Variants in ITGA11 observed in about 807,000 individuals in gnomAD.
ITGA11 encodes the protein integrin alpha-11.
ITGA11 carries 97 observed loss-of-function variants against 141.9 expected under a neutral mutation model. That is an observed-to-expected ratio of 0.68 (90% confidence interval 0.58 to 0.81). The LOEUF is 0.81. Ranked by LOEUF, ITGA11 falls within the 30% of genes least tolerant of loss-of-function variation. ITGA11 has a pLI of 0.00. For missense variants in ITGA11, 1,387 were observed against 1,559.2 expected (o/e 0.89, Z 1.86); for synonymous variants, 658 against 624.6 (o/e 1.05, Z -0.80).
rs1893962887 is a variant in ITGA11 at position 68,326,045 on chromosome 15, G to A, written c.2211+609C>T. On this transcript the variant is annotated intron_variant, in intron 17 of 29. Coordinates refer to ENST00000315757, the MANE Select transcript of ITGA11 (RefSeq NM_001004439.2). This position sits in a 1 kb window ranked among gnomAD's most constrained non-coding sequence, Gnocchi z 6.8. ...TCTCAGGGGGCCCCTTAACAGGGATGCACCTTCTCAGACCTGCTCACATCT... is the reference window on the plus strand; with the variant it reads ...TCTCAGGGGGCCCCTTAACAGGGATACACCTTCTCAGACCTGCTCACATCT... Among the ~76,000 whole-genome samples the A allele has an allele frequency of 6.6e-6, 1 of 152,230 alleles. No homozygotes were observed.
At chr15:68,376,901 T>C (rs1460645) in intron 2 of ITGA11, among the ~76,000 whole-genome samples, 121,331 of 152,180 alleles carry the variant, frequency 0.8, 48,664 homozygotes, top group East Asian at 0.9. Context: ...GTGTGGGACA[T>C]GACCCAGGAA....
In ITGA11 at chr15:68,314,075, T is replaced by G. The variant is rs143496223; in HGVS notation, c.2793-207A>C. On this transcript the variant is annotated intron_variant, in intron 22 of 29. Coordinates refer to ENST00000315757, the MANE Select transcript of ITGA11 (RefSeq NM_001004439.2). Reference sequence around the variant, plus strand: ...TGACACTAGCTCTACCTGCTGCCCCTTTAGGTGGAGTCAGGGGAGGGCTCT... The same window carrying G: ...TGACACTAGCTCTACCTGCTGCCCCGTTAGGTGGAGTCAGGGGAGGGCTCT... 4.1e-3 allele frequency among the ~76,000 whole-genome samples: 629 copies of G among 152,314 alleles called. 6 individuals are homozygous for G. The highest frequency in any genetic ancestry group is 0.015 in the African/African-American group (613 of 41,582).
intron 11 of ITGA11, among the ~76,000 whole-genome samples, chr15:68,339,012 C>G (rs956265111): frequency 2.6e-5 from 4 of 152,206 alleles, no homozygotes; most frequent in African/African-American, 9.7e-5. Context: ...GGACCTTCAC[C>G]ATCAATGATT....
intron 11 of ITGA11, among the ~76,000 whole-genome samples, chr15:68,338,709 C>T (rs905520279): frequency 3.9e-5 from 6 of 152,202 alleles, no homozygotes; most frequent in African/African-American, 7.2e-5. Context: ...GAAAGATGGA[C>T]GCATGGACAG....
rs1399682488 is a variant in ITGA11, at chr15:68,326,857, T to C, written c.2069-61A>G. 6.6e-7 allele frequency: 1 copy of C among 1,507,208 alleles called. No homozygotes were observed. The highest frequency in any genetic ancestry group is 2.5e-5 in the East Asian group (1 of 40,316). 93.4% of individuals were successfully genotyped at this position (1,507,208 alleles called of 1,614,324 possible). On this transcript the variant is annotated intron_variant, in intron 16 of 29. Transcript: ENST00000315757. This position sits in a 1 kb window ranked among gnomAD's most constrained non-coding sequence, Gnocchi z 6.8. ...AGCCACATGCCCATCCAAGACTGTC[T>C]GCCTCCTCCAGGAAGCCCCCCAGGC...
rs1378847904 is a variant in ITGA11 at position 68,303,046 on chromosome 15, C to G, written c.*13G>C. 1.9e-6 allele frequency: 3 copies of G among 1,546,350 alleles called. No individual in the cohort carries two copies. The highest frequency in any genetic ancestry group is 2.6e-6 in the Non-Finnish European group (3 of 1,144,824). ...GTCCTGGCCCCCATCAACTCAAAGT[C>G]TCCTCTGGAGCCTCACTCCAGCACT... On this transcript the variant is annotated 3_prime_UTR_variant, in exon 30 of 30. Coordinates refer to ENST00000315757, the MANE Select transcript of ITGA11 (RefSeq NM_001004439.2). The surrounding 1 kb of genome is among the most constrained non-coding windows in gnomAD (Gnocchi z 5.3).
intron 2 of ITGA11, among the ~76,000 whole-genome samples, chr15:68,397,464 A>T (rs1481142069): frequency 1.0e-5 from 1 of 97,696 alleles, no homozygotes; most frequent in African/African-American, 4.4e-5. Context: ...AAAATTATTA[A>T]TATTTTAAAA....
chr15:68,323,458 A>G (rs1319451784), intron 18 of ITGA11, among the ~76,000 whole-genome samples: 6 of 152,198 alleles, frequency 3.9e-5, no homozygotes, highest in Admixed American at 2.6e-4. Context: ...ATAATATGGG[A>G]TGGCTCACTT....
chr15:68,311,373 C>A lies in ITGA11; in HGVS notation c.3004G>T (p.Gly1002Trp), dbSNP rs372797650. The A allele has an allele frequency of 1.9e-6, 3 of 1,570,162 alleles. No homozygotes were observed. The highest frequency in any genetic ancestry group is 2.7e-5 in the African/African-American group (2 of 74,012). ...GGAATGGTGATCTTCATCATCATCC[C>A]GTGGATGGGGAACAAGCCCAAGTTC... ...IQNLGLFPIHGMMMKITIPIA... is the reference protein window; with the variant it reads ...IQNLGLFPIHWMMMKITIPIA... Residue 1002 changes from glycine (G) to tryptophan (W), a missense_variant, in exon 25 of 30, where the codon GGG (glycine) becomes TGG (tryptophan). Transcript: ENST00000315757.
intron 2 of ITGA11, among the ~76,000 whole-genome samples, chr15:68,398,897 T>C (rs4605110): frequency 0.31 from 46,681 of 150,344 alleles, 7,407 homozygotes; most frequent in East Asian, 0.33. Flanking sequence ...CAAAGCATTA[T>C]TGAGAGAAAT....
At chr15:68,400,613 ATATATAT>A (rs1271223051) in intron 2 of ITGA11, among the ~76,000 whole-genome samples, 2 of 95,656 alleles carry the variant, frequency 2.1e-5, no homozygotes, top group African/African-American at 8.5e-5. Flanking sequence ...ATAATATATA[ATATATAT>A]TATATAATAA....
intron 2 of ITGA11, among the ~76,000 whole-genome samples, chr15:68,402,256 C>T (rs928122017): frequency 6.6e-6 from 1 of 151,870 alleles, no homozygotes. Context: ...GATGACTAAC[C>T]GTAAATGTGG....
intron 1 of ITGA11, among the ~76,000 whole-genome samples, chr15:68,423,566 C>T (rs1403474354): frequency 6.6e-6 from 1 of 152,184 alleles, no homozygotes; most frequent in African/African-American, 2.4e-5. Context: ...CTGGCCATTC[C>T]TACCTGGTCT....
intron 1 of ITGA11, among the ~76,000 whole-genome samples, chr15:68,405,041 C>T (rs950801496): frequency 1.3e-5 from 2 of 152,132 alleles, no homozygotes; most frequent in Admixed American, 6.5e-5. Flanking sequence ...CACACGAGTG[C>T]GCCACTCTCC....
intron 2 of ITGA11, among the ~76,000 whole-genome samples, chr15:68,379,549 G>A (rs928967672): frequency 6.6e-6 from 1 of 152,194 alleles, no homozygotes; most frequent in African/African-American, 2.4e-5. Flanking sequence ...GCTTCTTGGG[G>A]TGTAACTGGC....
chr15:68,321,133 A>G lies in ITGA11; in HGVS notation c.2408+285T>C, dbSNP rs948984329. ...AGACTCCTGTCTCTACCTTTCATCT[A>G]TTTTGTAATGTGGGCTCCGAAGAAA... On this transcript the variant is annotated intron_variant, in intron 19 of 29. Coordinates refer to ENST00000315757, the MANE Select transcript of ITGA11 (RefSeq NM_001004439.2). This position sits in a 1 kb window ranked among gnomAD's most constrained non-coding sequence, Gnocchi z 4.9. 2.1e-5 allele frequency among the ~76,000 whole-genome samples: 3 copies of G among 145,978 alleles called. No individual in the cohort carries two copies. The highest frequency in any genetic ancestry group is 4.5e-5 in the Non-Finnish European group (3 of 66,142).
rs372782574 is a variant in ITGA11 at position 68,321,540 on chromosome 15, G to A, written c.2323-37C>T. The stretch of plus-strand genomic sequence containing the variant: ...AGAGCCAGGTGTGGGCAGCTGGGTA[G>A]GGACCCGCAGCCCCTCGCCCTCAAT... On this transcript the variant is annotated intron_variant, in intron 18 of 29. Transcript: ENST00000315757. This position sits in a 1 kb window ranked among gnomAD's most constrained non-coding sequence, Gnocchi z 4.9. 7.9e-5 allele frequency: 113 copies of A among 1,430,106 alleles called. No homozygotes were observed. The highest frequency in any genetic ancestry group is 3.8e-5 in the South Asian group (3 of 79,306). 88.6% of individuals were successfully genotyped at this position (1,430,106 alleles called of 1,614,324 possible).
At chr15:68,385,222 G>A (rs1895955887) in intron 2 of ITGA11, among the ~76,000 whole-genome samples, 2 of 152,248 alleles carry the variant, frequency 1.3e-5, no homozygotes, top group South Asian at 4.1e-4. Context: ...GCTCAGTTCT[G>A]TGATTTCGAA....
intron 1 of ITGA11, among the ~76,000 whole-genome samples, chr15:68,425,710 T>C (rs1897127474): frequency 6.6e-6 from 1 of 152,206 alleles, no homozygotes; most frequent in Non-Finnish European, 1.5e-5. Flanking sequence ...CACTTGCCCA[T>C]TTCACAATTT....
Sources: allele counts gnomAD v4.1 joint callset (sites outside exome capture counted in the v4.1 genomes callset), GRCh38; gene constraint gnomAD v4.1.1; non-coding constraint Gnocchi (gnomAD v3.1); transcripts MANE v1.5; gene names NCBI Gene and HGNC (gene_info 2026-07-23, HGNC 2026-07-21).